PRKCB: variants seen among roughly 807,000 people sequenced by gnomAD.
PRKCB encodes protein kinase C beta.
Under a neutral mutation model 81.5 loss-of-function variants are expected in PRKCB, and 13 were observed. That is an observed-to-expected ratio of 0.16 (90% CI 0.10 to 0.25). PRKCB has a LOEUF of 0.25. Among genes scored for constraint, PRKCB ranks in the 10% least tolerant of loss-of-function variants. The pLI is 1.00. For synonymous variants in PRKCB, 335 were observed against 321.4 expected (o/e 1.04, Z -0.45); for missense variants, 509 against 875.7 (o/e 0.58, Z 5.29).
intron 5 of PRKCB, among the ~76,000 whole-genome samples, chr16:24,035,762 G>A (rs569484153): frequency 2.3e-4 from 35 of 152,232 alleles, no homozygotes; most frequent in African/African-American, 7.9e-4. Flanking sequence ...TCAAAGCTTC[G>A]TCCATCAGCA....
At chr16:24,007,234 G>T (rs1965138091) in intron 3 of PRKCB, among the ~76,000 whole-genome samples, 1 of 152,200 alleles carries the variant, frequency 6.6e-6, no homozygotes, top group Non-Finnish European at 1.5e-5. Context: ...GATGGTAAGA[G>T]CTTCATGCCG....
intron 10 of PRKCB, among the ~76,000 whole-genome samples, chr16:24,159,638 G>A (rs925571716): frequency 3.3e-5 from 5 of 152,146 alleles, no homozygotes; most frequent in African/African-American, 4.8e-5. Context: ...CCCCAAACCC[G>A]GAAGCCTTTG....
intron 2 of PRKCB, among the ~76,000 whole-genome samples, chr16:23,985,918 A>G (rs1964797526): frequency 6.6e-6 from 1 of 152,204 alleles, no homozygotes; most frequent in Non-Finnish European, 1.5e-5. Context: ...CAGTATATAT[A>G]ATTATTAAAC....
At chr16:24,192,693 T>C (rs1967812065) in intron 16 of PRKCB, among the ~76,000 whole-genome samples, 1 of 152,192 alleles carries the variant, frequency 6.6e-6, no homozygotes. Flanking sequence ...GTGTGCTGTC[T>C]ATCAGTATGC....
intron 9 of PRKCB, among the ~76,000 whole-genome samples, chr16:24,131,577 A>G (rs1158229232): frequency 6.6e-6 from 1 of 152,228 alleles, no homozygotes; most frequent in African/African-American, 2.4e-5. Flanking sequence ...TTTCCTTGCC[A>G]TTACATGCCT....
chr16:24,168,555 T>C (rs1378852693), intron 10 of PRKCB, among the ~76,000 whole-genome samples: 1,238 of 100,884 alleles, frequency 0.012, 30 homozygotes, highest in African/African-American at 0.044. Flanking sequence ...TTTTTTTTTT[T>C]TTTTTTTTTT....
At chr16:23,917,797 A>AC (rs774372991) in intron 2 of PRKCB, among the ~76,000 whole-genome samples, 29 of 152,210 alleles carry the variant, frequency 1.9e-4, no homozygotes, top group Non-Finnish European at 3.4e-4. Flanking sequence ...TTCTGGCAAG[A>AC]CATTAGTGGG....
At chr16:24,039,920 G>A (rs1481353236) in intron 5 of PRKCB, among the ~76,000 whole-genome samples, 2 of 152,154 alleles carry the variant, frequency 1.3e-5, no homozygotes, top group South Asian at 2.1e-4. Flanking sequence ...AGGTTGTGCG[G>A]GGTCCTTCCC....
chr16:23,982,063 C>T (rs1375972693), intron 2 of PRKCB, among the ~76,000 whole-genome samples: 7 of 36,134 alleles, frequency 1.9e-4, no homozygotes, highest in Non-Finnish European at 2.6e-4. Context: ...TTCCCTTCCC[C>T]TTCTCTTTCC....
intron 9 of PRKCB, among the ~76,000 whole-genome samples, chr16:24,143,412 A>G (rs1008666120): frequency 2.0e-5 from 3 of 152,120 alleles, no homozygotes; most frequent in South Asian, 2.1e-4. Context: ...GACTACAGGC[A>G]TGAGTCACCG....
intron 5 of PRKCB, among the ~76,000 whole-genome samples, chr16:24,084,799 T>C (rs1382987724): frequency 2.6e-5 from 4 of 152,192 alleles, no homozygotes; most frequent in African/African-American, 9.7e-5. Flanking sequence ...ATTGAAATCT[T>C]GAAATTGCTT....
intron 2 of PRKCB, among the ~76,000 whole-genome samples, chr16:23,919,000 G>A (rs1487466089): frequency 6.6e-6 from 1 of 152,144 alleles, no homozygotes; most frequent in Non-Finnish European, 1.5e-5. Context: ...GCTCAAACAT[G>A]TTTCTAGTAT....
At chr16:24,141,757 CA>C (rs1200136253) in intron 9 of PRKCB, among the ~76,000 whole-genome samples, 1 of 152,144 alleles carries the variant, frequency 6.6e-6, no homozygotes, top group Non-Finnish European at 1.5e-5. Context: ...GTGGATTACC[CA>C]GGGAGGATCC....
chr16:24,006,669 T>C (rs754842870), intron 3 of PRKCB, among the ~76,000 whole-genome samples: 36 of 152,246 alleles, frequency 2.4e-4, no homozygotes, highest in Non-Finnish European at 3.4e-4. Context: ...GTTCTTGTGT[T>C]ACATTCAGCC....
Position 24,172,463 on chromosome 16 carries a change from C to T in PRKCB, c.1331+102C>T, listed in dbSNP as rs3729902. On this transcript the variant is annotated intron_variant, in intron 11 of 16. Transcript: ENST00000643927. ...GCCAAAGAGGGATCTTTAAACACCT[C>T]GGGCATCTTTTTGAAAAAATATTTA... 8.2e-3 allele frequency: 7,278 copies of T among 887,276 alleles called. 376 individuals are homozygous for T. In the African/African-American group the frequency reaches 0.11, roughly 13 times the overall value. 55.0% of individuals were successfully genotyped at this position (887,276 alleles called of 1,614,324 possible). A position where few individuals can be genotyped will look rare whatever the true frequency, so the allele number is the denominator to read the frequency against.
At chr16:24,048,426 A>C (rs1015826607) in intron 5 of PRKCB, among the ~76,000 whole-genome samples, 1 of 152,026 alleles carries the variant, frequency 6.6e-6, no homozygotes, top group African/African-American at 2.4e-5. Context: ...CACTAAGTAC[A>C]TCAGTGGAGT....
At chr16:23,839,989 T>G (rs1962238198) in intron 2 of PRKCB, among the ~76,000 whole-genome samples, 1 of 152,204 alleles carries the variant, frequency 6.6e-6, no homozygotes, top group Non-Finnish European at 1.5e-5. Context: ...CATGAACTTC[T>G]GGTCACTCTG....
intron 8 of PRKCB, among the ~76,000 whole-genome samples, chr16:24,117,112 AG>A (rs1196133961): frequency 2.1e-5 from 3 of 141,826 alleles, no homozygotes; most frequent in Non-Finnish European, 4.4e-5. Context: ...AATTGTTCTC[AG>A]GCTCACAGAG....
At chr16:24,077,356 A>T (rs926817497) in intron 5 of PRKCB, among the ~76,000 whole-genome samples, 2 of 151,926 alleles carry the variant, frequency 1.3e-5, no homozygotes, top group Non-Finnish European at 2.9e-5. Flanking sequence ...TTACTCATTG[A>T]CCCACCTAAC....
Sources: gnomAD v4.1 joint callset for allele counts (sites outside exome capture counted in the v4.1 genomes callset) on GRCh38, gnomAD v4.1.1 for gene constraint, MANE v1.5 for transcripts, NCBI Gene and HGNC (gene_info 2026-07-23, HGNC 2026-07-21) for gene names.